SNIP1: variants seen among roughly 807,000 people sequenced by gnomAD.
SNIP1 encodes the protein smad nuclear-interacting protein 1.
SNIP1 carries 23 observed loss-of-function variants against 37.4 expected under a neutral mutation model. The observed-to-expected ratio is 0.61, with a 90% CI of 0.44 to 0.87. The LOEUF is 0.87. SNIP1 is among the 40% of genes least tolerant of loss of function. SNIP1 has a pLI of 0.00. For missense variants in SNIP1, 459 were observed against 540.4 expected (o/e 0.85, Z 1.49); for synonymous variants, 174 against 200.0 (o/e 0.87, Z 1.10).
intron 2 of SNIP1, among the ~76,000 whole-genome samples, chr1:37,545,503 T>C (rs1643224003): frequency 6.7e-6 from 1 of 150,142 alleles, no homozygotes; most frequent in Non-Finnish European, 1.5e-5. Context: ...AAAAACTTCT[T>C]GTTATGGACT....
rs1043862978 is a variant in SNIP1, at chr1:37,540,484, C to G, written c.599G>C (p.Ser200Thr). ...RQRNDVGGGG[S>T]ESQELVPRPG... is the part of the protein sequence containing the mutation. Reference sequence around the variant, plus strand: ...CCGAGGAACCAACTCCTGAGACTCACTGCCGCCACCACCAACGTCATTCCT... The same window carrying G: ...CCGAGGAACCAACTCCTGAGACTCAGTGCCGCCACCACCAACGTCATTCCT... Residue 200 changes from serine (S) to threonine (T), a missense_variant, in exon 3 of 4, where the codon AGT becomes ACT. Ser to Thr is a moderately conservative substitution (Grantham distance 58). Coordinates refer to ENST00000296215, the MANE Select transcript of SNIP1 (RefSeq NM_024700.4). The surrounding 1 kb of genome is among the most constrained non-coding windows in gnomAD (Gnocchi z 5.6). 1.2e-6 allele frequency: 2 copies of G among 1,614,056 alleles called. No individual in the cohort carries two copies. Among genetic ancestry groups the G allele is most frequent in the Admixed American group, 3.3e-5 (2 of 59,996 alleles).
rs1643077165 is a variant in SNIP1 at position 37,535,282 on chromosome 1, C to A, written c.*2466G>T. 1 of 129,432 alleles carries A rather than the reference C, an allele frequency of 7.7e-6. No individual in the cohort carries two copies. Among genetic ancestry groups the A allele is most frequent in the Non-Finnish European group, 1.6e-5 (1 of 61,656 alleles). 8.0% of individuals were successfully genotyped at this position (129,432 alleles called of 1,614,324 possible). Reference sequence around the variant, plus strand: ...TGACAGGTGCCTGTAGTCCCAGCTACTTGGGAGGCTGAGGCAGGAGAATCG... The same window carrying A: ...TGACAGGTGCCTGTAGTCCCAGCTAATTGGGAGGCTGAGGCAGGAGAATCG... On this transcript the variant is annotated 3_prime_UTR_variant, in exon 4 of 4. Transcript: ENST00000296215.
chr1:37,544,630 G>A (rs1570023230), intron 2 of SNIP1: 1 of 467,260 alleles, frequency 2.1e-6, no homozygotes, highest in Non-Finnish European at 4.0e-6. Flanking sequence ...CCAGGCACTC[G>A]TACCCCACTC....
At position 37,554,039 on chromosome 1, in the gene SNIP1, C is replaced by T. The variant is rs1286896525; in HGVS notation, c.191G>A (p.Gly64Asp). 2 of 1,581,148 alleles carry T rather than the reference C, an allele frequency of 1.3e-6. No homozygotes were observed. Among genetic ancestry groups the T allele is most frequent in the Non-Finnish European group, 1.7e-6 (2 of 1,164,172 alleles). Residue 64 changes from glycine (G) to aspartate (D), a missense_variant, in exon 1 of 4, where the codon GGC (glycine) becomes GAC (aspartate). By Grantham distance (94) the Gly-to-Asp change is moderately conservative. Coordinates refer to ENST00000296215, the MANE Select transcript of SNIP1 (RefSeq NM_024700.4). ...TCCTCGGGCTCGGTTCCCGCGGTGGCCCGAGCGGGCCGGCTCGCTGGTCGG... is the reference window on the plus strand; with the variant it reads ...TCCTCGGGCTCGGTTCCCGCGGTGGTCCGAGCGGGCCGGCTCGCTGGTCGG... Reference protein sequence around the residue: ...SPPTSEPARSGHRGNRARGVS... With the variant: ...SPPTSEPARSDHRGNRARGVS...
intron 2 of SNIP1, among the ~76,000 whole-genome samples, chr1:37,551,857 G>A (rs1250294694): frequency 2.0e-5 from 3 of 152,130 alleles, no homozygotes; most frequent in African/African-American, 7.2e-5. Context: ...TGCAACTACC[G>A]TACAATCCAG....
intron 3 of SNIP1, among the ~76,000 whole-genome samples, chr1:37,538,438 G>A (rs1346060414): frequency 6.6e-6 from 1 of 150,600 alleles, no homozygotes; most frequent in East Asian, 2.0e-4. Context: ...GAACCCAGGA[G>A]GCAGAGGTTG....
intron 2 of SNIP1, among the ~76,000 whole-genome samples, chr1:37,549,675 G>A (rs1006967607): frequency 3.9e-5 from 6 of 152,150 alleles, no homozygotes; most frequent in Non-Finnish European, 7.4e-5. Flanking sequence ...GCCTCCCAAA[G>A]TGTTGGGATT....
At position 37,540,214 on chromosome 1, in the gene SNIP1, G is replaced by A; in HGVS notation, c.869C>T (p.Ala290Val). Residue 290 changes from alanine to valine, a missense_variant, in exon 3 of 4, where the codon GCA (alanine) becomes GTA (valine). Coordinates refer to ENST00000296215, the MANE Select transcript of SNIP1 (RefSeq NM_024700.4). The surrounding 1 kb of genome is among the most constrained non-coding windows in gnomAD (Gnocchi z 5.6). ...AYLLGRHRRI[A>V]DIPIDHPSCS... ...AGACGGGTGATCAATTGGAATGTCT[G>A]CAATGCGGCGGTGTCGACCCAGTAG... 1 of 1,610,562 alleles carries A rather than the reference G, an allele frequency of 6.2e-7. No individual in the cohort carries two copies. The highest frequency in any genetic ancestry group is 8.5e-7 in the Non-Finnish European group (1 of 1,177,000).
intron 2 of SNIP1, among the ~76,000 whole-genome samples, chr1:37,546,477 C>T (rs1230183302): frequency 6.6e-6 from 1 of 152,052 alleles, no homozygotes; most frequent in Non-Finnish European, 1.5e-5. Flanking sequence ...GATTCAAGAC[C>T]AGCCTGGCCA....
intron 2 of SNIP1, among the ~76,000 whole-genome samples, chr1:37,543,739 TAA>T (rs368068801): frequency 5.1e-4 from 58 of 114,638 alleles, no homozygotes; most frequent in Non-Finnish European, 5.5e-4. Flanking sequence ...CAAAGGGGGG[TAA>T]AAAAAAAAAA....
rs550057428 is a variant in SNIP1 at position 37,547,641 on chromosome 1, C to T, written c.327+5004G>A. 1.1e-4 allele frequency among the ~76,000 whole-genome samples: 16 copies of T among 151,338 alleles called. No homozygotes were observed. The East Asian group carries it at 1.6e-3, about 15-fold the overall frequency. On this transcript the variant is annotated intron_variant, in intron 2 of 3. Transcript: ENST00000296215. The stretch of plus-strand genomic sequence containing the variant: ...CCTAGCTACTGGGGAGGTTGAGGCA[C>T]GAGAATCGCTTGAACCCAGGAGGCA...
At chr1:37,549,570 G>A (rs558481777) in intron 2 of SNIP1, among the ~76,000 whole-genome samples, 1 of 152,060 alleles carries the variant, frequency 6.6e-6, no homozygotes, top group African/African-American at 2.4e-5. Context: ...ATGCCACCAC[G>A]CCCAACTAAT....
rs1302224573 is a variant in SNIP1 at position 37,552,714 on chromosome 1, C to G, written c.258G>C (p.Gly86=). The G allele has an allele frequency of 6.2e-7, 1 of 1,614,184 alleles. No homozygotes were observed. Residue 86 remains glycine, a synonymous_variant, in exon 2 of 4, where the codon GGG becomes GGC. Transcript: ENST00000296215. ...SPPKKKNKAS[G]RRSKSPRSKR... ...TACTGCGAGGAGACTTGCTTCTTCTCCCTGAGGCCTTGTTTTTCTTTTTGG... is the reference window on the plus strand; with the variant it reads ...TACTGCGAGGAGACTTGCTTCTTCTGCCTGAGGCCTTGTTTTTCTTTTTGG...
intron 2 of SNIP1, among the ~76,000 whole-genome samples, chr1:37,549,243 A>G (rs1453906357): frequency 6.6e-6 from 1 of 152,188 alleles, no homozygotes; most frequent in Non-Finnish European, 1.5e-5. Flanking sequence ...CCACAAAGAA[A>G]TATGTATAGG....
chr1:37,550,031 T>G (rs1643283129), intron 2 of SNIP1, among the ~76,000 whole-genome samples: 1 of 151,850 alleles, frequency 6.6e-6, no homozygotes, highest in Non-Finnish European at 1.5e-5. Context: ...CAAGTGGACA[T>G]TCATAGGCAA....
intron 2 of SNIP1, among the ~76,000 whole-genome samples, chr1:37,548,025 G>C (rs1470266840): frequency 6.6e-6 from 1 of 151,116 alleles, no homozygotes; most frequent in Admixed American, 6.6e-5. Context: ...GGTGGCGGGC[G>C]CCTGTAGTCC....
intron 2 of SNIP1, among the ~76,000 whole-genome samples, chr1:37,551,927 C>G (rs908477052): frequency 7.2e-5 from 11 of 152,172 alleles, no homozygotes; most frequent in African/African-American, 2.2e-4. Context: ...ACATAAAAAC[C>G]TGTACACAAA....
chr1:37,553,450 A>G (rs1162864856), intron 1 of SNIP1, among the ~76,000 whole-genome samples: 1 of 152,216 alleles, frequency 6.6e-6, no homozygotes, highest in Non-Finnish European at 1.5e-5. Flanking sequence ...AGCATAGCCA[A>G]TTTGGCATCG....
chr1:37,538,135 TA>T, intron 3 of SNIP1, 123 bp from the exon 4 acceptor site: 6 of 1,174,128 alleles, frequency 5.1e-6, no homozygotes, highest in Non-Finnish European at 6.9e-6. Flanking sequence ...CAATTCAAGT[TA>T]AAATTCTAGG....
Sources: gnomAD v4.1 joint callset for allele counts (sites outside exome capture counted in the v4.1 genomes callset) on GRCh38, gnomAD v4.1.1 for gene constraint, Gnocchi (gnomAD v3.1) non-coding constraint, MANE v1.5 for transcripts, NCBI Gene and HGNC (gene_info 2026-07-23, HGNC 2026-07-21) for gene names.